Variants in TRANK1 observed in about 807,000 individuals in gnomAD.
TRANK1 encodes tetratricopeptide repeat and ankyrin repeat containing 1.
TRANK1 carries 198 observed loss-of-function variants against 266.0 expected under a neutral mutation model. That is an observed-to-expected ratio of 0.74 (90% CI 0.66 to 0.84). TRANK1 has a LOEUF of 0.84. Among genes scored for constraint, TRANK1 ranks in the 40% least tolerant of loss-of-function variants. The probability of loss-of-function intolerance (pLI) is 0.00; values close to 1 mark genes in which losing one functional copy is unlikely to be tolerated. For synonymous variants in TRANK1, 1,396 were observed against 1,384.1 expected, an observed-to-expected ratio of 1.01 and a Z score of -0.19; for missense variants, 3,326 against 3,634.6, an observed-to-expected ratio of 0.92 and a Z score of 2.18.
chr3:36,839,245 A>G (rs947837363), intron 18 of TRANK1, among the ~76,000 whole-genome samples: 1 of 152,230 alleles, frequency 6.6e-6, no homozygotes, highest in African/African-American at 2.4e-5. Context: ...TCTGTTACCA[A>G]ATCCTCTGAC....
chr3:36,858,099 G>T (rs769956985), intron 12 of TRANK1, 50 bp from the exon 13 acceptor site: 11 of 1,417,190 alleles, frequency 7.8e-6, no homozygotes, highest in Non-Finnish European at 8.4e-6. Flanking sequence ...TCTTCTTAGG[G>T]GACAGCAGAC....
chr3:36,832,457 TC>T lies in TRANK1; in HGVS notation c.7125del (p.Arg2376GlufsTer5). ...TCTATTCCTTTTATCCTGCTGCCTCTCCCCCTGCCCCTTTCATCCTTTTCAG... is the reference window on the plus strand; with the variant it reads ...TCTATTCCTTTTATCCTGCTGCCTCTCCCCTGCCCCTTTCATCCTTTTCAG... ...LESEKDERGR[G>X]RGSRIKGIEG... is the part of the protein sequence containing the mutation. On this transcript the variant is annotated frameshift_variant, in exon 22 of 24. Transcript: ENST00000645898. LOFTEE classifies it high-confidence loss of function. The T allele has an allele frequency of 6.2e-7, 1 of 1,613,892 alleles. No homozygotes were observed. Among genetic ancestry groups the T allele is most frequent in the Non-Finnish European group, 8.5e-7 (1 of 1,179,852 alleles).
At chr3:36,847,478 A>C in intron 15 of TRANK1, 132 bp from the exon 16 acceptor site, 4 of 889,876 alleles carry the variant, frequency 4.5e-6, no homozygotes, top group Non-Finnish European at 6.8e-6. Context: ...AGAAAGATCC[A>C]TCCTGTGATC....
chr3:36,864,282 C>T, intron 10 of TRANK1, 37 bp downstream of exon 10: 1 of 1,462,174 alleles, frequency 6.8e-7, no homozygotes. Context: ...GAACATAAAT[C>T]ATTTTTAACA....
At chr3:36,886,006 G>A (rs1322953471) in intron 8 of TRANK1, among the ~76,000 whole-genome samples, 2 of 152,012 alleles carry the variant, frequency 1.3e-5, no homozygotes, top group African/African-American at 4.8e-5. Context: ...GGGTATGGGA[G>A]AAAGCAGAAG....
intron 1 of TRANK1, among the ~76,000 whole-genome samples, chr3:36,913,853 C>T (rs2080088301): frequency 6.6e-6 from 1 of 151,916 alleles, no homozygotes; most frequent in Non-Finnish European, 1.5e-5. Context: ...CCGACCAAAG[C>T]CCAGTAAAGT....
At chr3:36,935,237 G>A (rs1350955408) in intron 1 of TRANK1, among the ~76,000 whole-genome samples, 5 of 152,058 alleles carry the variant, frequency 3.3e-5, no homozygotes, top group Non-Finnish European at 7.4e-5. Flanking sequence ...AGGGTGAGGG[G>A]CCACAGTCAC....
In TRANK1 at chr3:36,834,769, C is replaced by T. The variant is rs1435689885; in HGVS notation, c.5656G>A (p.Val1886Met). 8.7e-6 allele frequency: 14 copies of T among 1,610,008 alleles called. No homozygotes were observed. The highest frequency in any genetic ancestry group is 1.2e-5 in the Non-Finnish European group (14 of 1,178,780). ...GAGAATAAAACCACCTACTTTTCCA[C>T]TGCAATAGCAGCTTCTTCAAAAAGC... is the stretch of plus-strand genomic sequence containing the variant. Reference protein sequence around the residue: ...EELFEEAAIAVEKYEEMLKTK... With the variant: ...EELFEEAAIAMEKYEEMLKTK... Residue 1886 changes from valine (V) to methionine (M), a missense_variant, in exon 21 of 24, where the codon GTG becomes ATG. Physicochemically the swap from Val to Met is conservative, Grantham distance 21. Transcript: ENST00000645898.
chr3:36,857,774 T>A lies in TRANK1; in HGVS notation c.1948A>T (p.Met650Leu). Reference protein sequence around the residue: ...SLLLAWNKALMENRRRSRQDS... With the variant: ...SLLLAWNKALLENRRRSRQDS... ...TGCCGGCTCCTCCTCCTGTTCTCCATCAGAGCTTTGTTCCAGGCCAAGAGC... is the reference window on the plus strand; with the variant it reads ...TGCCGGCTCCTCCTCCTGTTCTCCAACAGAGCTTTGTTCCAGGCCAAGAGC... The change falls in exon 13 of 24, where the codon ATG (methionine) becomes TTG (leucine). Residue 650 changes from methionine (M) to leucine (L), a missense_variant. Coordinates refer to ENST00000645898, the MANE Select transcript of TRANK1 (RefSeq NM_001329998.2). The surrounding 1 kb of genome is among the most constrained non-coding windows in gnomAD (Gnocchi z 4.3). 6.2e-7 allele frequency: 1 copy of A among 1,614,030 alleles called. No homozygotes were observed. Among genetic ancestry groups the A allele is most frequent in the South Asian group, 1.1e-5 (1 of 91,088 alleles).
intron 9 of TRANK1, among the ~76,000 whole-genome samples, chr3:36,870,950 A>C (rs1362286541): frequency 7.3e-6 from 1 of 137,640 alleles, no homozygotes; most frequent in Non-Finnish European, 1.5e-5. Context: ...GGATTGTATT[A>C]TACAAGGAAA....
chr3:36,870,894 C>G (rs1417146544), intron 9 of TRANK1, among the ~76,000 whole-genome samples: 1 of 145,646 alleles, frequency 6.9e-6, no homozygotes, highest in Non-Finnish European at 1.5e-5. Context: ...AGAGCAAGAA[C>G]CTTGCCTCAG....
chr3:36,936,093 T>C (rs1187483522), intron 1 of TRANK1, among the ~76,000 whole-genome samples: 1 of 152,134 alleles, frequency 6.6e-6, no homozygotes, highest in East Asian at 1.9e-4. Context: ...GCAATTCTAG[T>C]CCTGGAGATT....
chr3:36,913,819 C>G (rs1361078094), intron 1 of TRANK1, among the ~76,000 whole-genome samples: 4 of 151,962 alleles, frequency 2.6e-5, no homozygotes, highest in Admixed American at 6.6e-5. Flanking sequence ...CACCACCCCC[C>G]TCAGCTGTCT....
chr3:36,891,863 C>T (rs1017516965), intron 7 of TRANK1, among the ~76,000 whole-genome samples: 12 of 152,182 alleles, frequency 7.9e-5, no homozygotes, highest in African/African-American at 2.4e-4. Flanking sequence ...CTGCCTATGC[C>T]GGAAGGAGGA....
chr3:36,846,210 T>C, intron 17 of TRANK1, 38 bp downstream of exon 17: 1 of 1,525,626 alleles, frequency 6.6e-7, no homozygotes, highest in South Asian at 1.2e-5. Flanking sequence ...AGAAACACGA[T>C]TCCTCCATCA....
Position 36,903,239 on chromosome 3 carries a change from G to T in TRANK1, c.192C>A (p.Asn64Lys). The change falls in exon 3 of 24, where the codon AAC (asparagine) becomes AAA (lysine). Residue 64 changes from asparagine to lysine, a missense_variant. Asn to Lys is a moderately conservative substitution (Grantham distance 94). Coordinates refer to ENST00000645898, the MANE Select transcript of TRANK1 (RefSeq NM_001329998.2). Reference protein sequence around the residue: ...PPRDLAVLLCNKSNAFFSLGK... With the variant: ...PPRDLAVLLCKKSNAFFSLGK... ...CAAGGCTGAAAAATGCATTTGATTT[G>T]TTGCACAGCAGCACAGCCAAGTCCC... 1 of 1,537,300 alleles carries T rather than the reference G, an allele frequency of 6.5e-7. No homozygotes were observed. The highest frequency in any genetic ancestry group is 8.7e-7 in the Non-Finnish European group (1 of 1,146,938).
intron 22 of TRANK1, among the ~76,000 whole-genome samples, chr3:36,830,471 T>G (rs2078678017): frequency 6.6e-6 from 1 of 152,150 alleles, no homozygotes; most frequent in Admixed American, 6.5e-5. Flanking sequence ...GATGAATGGG[T>G]CAAGAGAACC....
At chr3:36,944,047 C>A (rs2080534887) in intron 1 of TRANK1, among the ~76,000 whole-genome samples, 1 of 152,146 alleles carries the variant, frequency 6.6e-6, no homozygotes, top group African/African-American at 2.4e-5. Flanking sequence ...GCACAGGGCT[C>A]CCCGCGGGAC....
chr3:36,840,218 TA>T lies in TRANK1; in HGVS notation c.5281-1503del, dbSNP rs537601769. Among the ~76,000 whole-genome samples the T allele has an allele frequency of 2.1e-3, 313 of 146,912 alleles. 2 individuals are homozygous for T. The highest frequency in any genetic ancestry group is 7.4e-3 in the African/African-American group (293 of 39,722). On this transcript the variant is annotated intron_variant, in intron 18 of 23. Coordinates refer to ENST00000645898, the MANE Select transcript of TRANK1 (RefSeq NM_001329998.2). ...ATCCCTCCCTTCCCTCCCTAACACC[TA>T]ACCCCTGCCCCACCAAAAAAAAAAA...
Sources: gnomAD v4.1 joint callset for allele counts (sites outside exome capture counted in the v4.1 genomes callset) on GRCh38, gnomAD v4.1.1 for gene constraint, Gnocchi (gnomAD v3.1) non-coding constraint, MANE v1.5 for transcripts, NCBI Gene and HGNC (gene_info 2026-07-23, HGNC 2026-07-21) for gene names.